VPS53: variants seen among roughly 807,000 people sequenced by gnomAD.
The protein encoded by VPS53 is VPS53 subunit of GARP complex.
VPS53 carries 70 observed loss-of-function variants against 107.0 expected under a neutral mutation model. The observed-to-expected ratio is 0.65, with a 90% CI of 0.54 to 0.80. The LOEUF (loss-of-function observed/expected upper bound fraction) is 0.80. VPS53 is among the 30% of genes least tolerant of loss of function. The pLI, the probability that VPS53 is intolerant of heterozygous loss-of-function variation, is 0.00. For synonymous variants in VPS53, 409 were observed against 393.3 expected, an observed-to-expected ratio of 1.04 and a Z score of -0.47; for missense variants, 917 against 1,049.4, an observed-to-expected ratio of 0.87 and a Z score of 1.74.
chr17:605,672 G>A (rs1968536714), intron 11 of VPS53, among the ~76,000 whole-genome samples: 4 of 147,934 alleles, frequency 2.7e-5, no homozygotes, highest in Admixed American at 2.7e-4. Flanking sequence ...AGGAAGATGG[G>A]GGCCTGGGGT....
chr17:545,766 A>T lies in VPS53; in HGVS notation c.1866+6106T>A, dbSNP rs141801310. The stretch of plus-strand genomic sequence containing the variant: ...TCAAGTTGTTCAAAGTTTAATAGGG[A>T]AGACAAAGACATAAAAATGATTACA... On this transcript the variant is annotated intron_variant, in intron 17 of 21. Coordinates refer to ENST00000437048, the MANE Select transcript of VPS53 (RefSeq NM_001128159.3). 5.3e-3 allele frequency among the ~76,000 whole-genome samples: 803 copies of T among 152,358 alleles called. 5 individuals are homozygous for T. Among genetic ancestry groups the T allele is most frequent in the Middle Eastern group, 0.01 (3 of 294 alleles).
chr17:670,894 A>G (rs755906719), intron 4 of VPS53, among the ~76,000 whole-genome samples: 5 of 152,194 alleles, frequency 3.3e-5, no homozygotes, highest in Non-Finnish European at 5.9e-5. Context: ...CTGTTTTCCA[A>G]CTTGACATCT....
intron 12 of VPS53, among the ~76,000 whole-genome samples, chr17:599,181 C>T (rs1968192070): frequency 6.6e-6 from 1 of 151,032 alleles, no homozygotes; most frequent in South Asian, 2.1e-4. Flanking sequence ...GTGAGGGGCG[C>T]CTCTGCCCGG....
intron 17 of VPS53, among the ~76,000 whole-genome samples, chr17:548,694 T>C (rs890536126): frequency 6.6e-6 from 1 of 152,272 alleles, no homozygotes; most frequent in African/African-American, 2.4e-5. Flanking sequence ...GGGTATAGAC[T>C]CCTTGAGGAC....
intron 12 of VPS53, among the ~76,000 whole-genome samples, chr17:589,806 A>G (rs1316013489): frequency 6.6e-6 from 1 of 152,118 alleles, no homozygotes. Flanking sequence ...GAAGTCAGGT[A>G]GTGTGATGCC....
At chr17:678,569 C>T (rs1026330602) in intron 4 of VPS53, among the ~76,000 whole-genome samples, 4 of 151,554 alleles carry the variant, frequency 2.6e-5, no homozygotes, top group Non-Finnish European at 5.9e-5. Context: ...TGGGCTCCAG[C>T]GATTCTCCTG....
rs911150240 is a variant in VPS53 at position 661,907 on chromosome 17, G to C, written c.286-12C>G. The C allele has an allele frequency of 5.8e-6, 9 of 1,549,074 alleles. No individual in the cohort carries two copies. The highest frequency in any genetic ancestry group is 7.9e-6 in the Non-Finnish European group (9 of 1,145,864). On this transcript the variant is annotated splice_polypyrimidine_tract_variant and intron_variant, in intron 4 of 21. Coordinates refer to ENST00000437048, the MANE Select transcript of VPS53 (RefSeq NM_001128159.3). ...GCCTCTTCAAGCGCCTAGAGTAAGG[G>C]AAATACATGAAAAACAAAAAGTGGC...
chr17:656,585 T>G (rs558223427), intron 5 of VPS53, among the ~76,000 whole-genome samples: 6 of 152,296 alleles, frequency 3.9e-5, no homozygotes, highest in Non-Finnish European at 8.8e-5. Flanking sequence ...GGAATGCAAG[T>G]ATATTTCAGT....
intron 4 of VPS53, chr17:673,872 C>T (rs1279835546): frequency 1.3e-5 from 2 of 152,262 alleles, no homozygotes; most frequent in East Asian, 3.9e-4. Context: ...AAAATGTGAA[C>T]CAAAGAGCTC....
chr17:583,685 CAG>C (rs770595954), intron 13 of VPS53, among the ~76,000 whole-genome samples: 1 of 151,484 alleles, frequency 6.6e-6, no homozygotes, highest in Non-Finnish European at 1.5e-5. Flanking sequence ...AATGCGTTCC[CAG>C]AGAACTCCCT....
chr17:629,806 A>C (rs969719205), intron 8 of VPS53, among the ~76,000 whole-genome samples: 1,240 of 80,150 alleles, frequency 0.015, 8 homozygotes, highest in Non-Finnish European at 0.022. Context: ...AACAAAAAAA[A>C]AACCACACAC....
At chr17:659,037 T>TA (rs566043048) in intron 5 of VPS53, among the ~76,000 whole-genome samples, 264 of 139,586 alleles carry the variant, frequency 1.9e-3, no homozygotes, top group Admixed American at 2.2e-3. Flanking sequence ...TCCAATGAAT[T>TA]AAAAAAAAAA....
At chr17:575,953 T>C (rs150034483) in intron 13 of VPS53, among the ~76,000 whole-genome samples, 1 of 151,912 alleles carries the variant, frequency 6.6e-6, no homozygotes, top group African/African-American at 2.4e-5. Flanking sequence ...CCTAAATGTG[T>C]TCCCAGAGAA....
At chr17:540,195 CA>C (rs1910516207) in intron 17 of VPS53, among the ~76,000 whole-genome samples, 1 of 150,648 alleles carries the variant, frequency 6.6e-6, no homozygotes, top group Non-Finnish European at 1.5e-5. Context: ...CTTTATTTTT[CA>C]TTTTTTTTTG....
intron 3 of VPS53, 95 bp from the exon 4 acceptor site, chr17:697,579 C>T: frequency 6.1e-6 from 6 of 983,670 alleles, no homozygotes; most frequent in Non-Finnish European, 9.5e-6. Context: ...TCATCAACTT[C>T]TGCAGACTGC....
chr17:563,458 G>C (rs1055377934), intron 13 of VPS53, among the ~76,000 whole-genome samples: 9 of 152,004 alleles, frequency 5.9e-5, no homozygotes, highest in Non-Finnish European at 1.3e-4. Context: ...ACCATGCCCA[G>C]CTAACTTTTA....
At chr17:544,004 A>G in intron 17 of VPS53, among the ~76,000 whole-genome samples, 1 of 76,402 alleles carries the variant, frequency 1.3e-5, no homozygotes, top group Non-Finnish European at 2.2e-5. Flanking sequence ...GAAGGGAGGG[A>G]GGGAGGGAGT....
intron 2 of VPS53, among the ~76,000 whole-genome samples, chr17:700,344 A>T (rs1368588795): frequency 6.6e-6 from 1 of 151,950 alleles, no homozygotes; most frequent in Non-Finnish European, 1.5e-5. Flanking sequence ...GGAGTTTGAG[A>T]CCAGCCAGAC....
chr17:629,968 G>C (rs1344408009), intron 8 of VPS53, among the ~76,000 whole-genome samples: 2 of 151,866 alleles, frequency 1.3e-5, no homozygotes, highest in Non-Finnish European at 2.9e-5. Flanking sequence ...ATAAAGATGG[G>C]CTTCATCCAC....
Sources: allele counts gnomAD v4.1 joint callset (sites outside exome capture counted in the v4.1 genomes callset), GRCh38; gene constraint gnomAD v4.1.1; transcripts MANE v1.5; gene names NCBI Gene and HGNC (gene_info 2026-07-23, HGNC 2026-07-21).